Variants in ARHGEF4 observed in about 807,000 individuals in gnomAD.
The protein encoded by ARHGEF4 is APC-stimulated guanine nucleotide exchange factor 1.
In ARHGEF4, 119 loss-of-function variants were observed where a neutral mutation model predicts 162.0. The observed-to-expected ratio is 0.73, with a 90% CI of 0.63 to 0.86. The LOEUF (loss-of-function observed/expected upper bound fraction) is 0.86, where lower values mean the gene tolerates loss of function less well. ARHGEF4 is among the 40% of genes least tolerant of loss of function. The pLI, the probability that ARHGEF4 is intolerant of heterozygous loss-of-function variation, is 0.00. For missense variants in ARHGEF4, 2,488 were observed against 2,456.0 expected (o/e 1.01, Z -0.28); for synonymous variants, 1,014 against 979.9 (o/e 1.03, Z -0.65).
At position 130,874,586 on chromosome 2, in the gene ARHGEF4, G is replaced by A. The variant is rs373033505; in HGVS notation, c.39+37594G>A. Among the ~76,000 whole-genome samples the A allele has an allele frequency of 9.2e-5, 14 of 152,334 alleles. 1 individual carries two copies. In the East Asian group the frequency reaches 2.1e-3, roughly 23 times the overall value. ...ATAATTAAGTTAAACTTTTTAAGGAGATAATTATAGACTCACATGCAGTTC... is the reference window on the plus strand; with the variant it reads ...ATAATTAAGTTAAACTTTTTAAGGAAATAATTATAGACTCACATGCAGTTC... On this transcript the variant is annotated intron_variant, in intron 1 of 13. Coordinates refer to ENST00000409359, the MANE Select transcript of ARHGEF4 (RefSeq NM_001367493.1).
intron 1 of ARHGEF4, among the ~76,000 whole-genome samples, chr2:130,911,039 A>AG (rs1451316103): frequency 7.2e-5 from 11 of 152,302 alleles, no homozygotes; most frequent in Non-Finnish European, 1.6e-4. Context: ...GTTATTGAGG[A>AG]GTTTGCAGAG....
chr2:130,914,438 C>T lies in ARHGEF4; in HGVS notation c.492C>T (p.Cys164=), dbSNP rs1003914791. ...AGGAGGCAGGACACCTCTGGGACTGCGCGACCAGCCTGGAGCGAGAGTCTT... is the reference window on the plus strand; with the variant it reads ...AGGAGGCAGGACACCTCTGGGACTGTGCGACCAGCCTGGAGCGAGAGTCTT... ...GEQEAGHLWD[C]ATSLERESLL... The change falls in exon 2 of 14, where the codon TGC becomes TGT. Residue 164 remains cysteine (C), a synonymous_variant. Transcript: ENST00000409359. 24 of 1,435,218 alleles carry T rather than the reference C, an allele frequency of 1.7e-5. 1 individual carries two copies. The highest frequency in any genetic ancestry group is 9.0e-5 in the South Asian group (6 of 66,524). 88.9% of individuals were successfully genotyped at this position (1,435,218 alleles called of 1,614,324 possible).
At chr2:130,891,522 A>G (rs1679862600) in intron 1 of ARHGEF4, among the ~76,000 whole-genome samples, 1 of 152,210 alleles carries the variant, frequency 6.6e-6, no homozygotes, top group Non-Finnish European at 1.5e-5. Flanking sequence ...TAACAACTAA[A>G]TACCACAAAC....
At chr2:130,944,934 G>C (rs1683513910) in intron 3 of ARHGEF4, among the ~76,000 whole-genome samples, 1 of 152,052 alleles carries the variant, frequency 6.6e-6, no homozygotes, top group Non-Finnish European at 1.5e-5. Flanking sequence ...TTAAGTTCAG[G>C]CTGCAAGCTC....
At chr2:130,988,555 T>G (rs4390808) in intron 4 of ARHGEF4, among the ~76,000 whole-genome samples, 3,672 of 152,258 alleles carry the variant, frequency 0.024, 156 homozygotes, top group East Asian at 0.21. Context: ...AACATTTTGG[T>G]GTGTATTGGC....
At chr2:131,041,051 T>C (rs1690776857) in intron 8 of ARHGEF4, among the ~76,000 whole-genome samples, 179 bp from the exon 9 acceptor site, 1 of 151,926 alleles carries the variant, frequency 6.6e-6, no homozygotes, top group Admixed American at 6.6e-5. Context: ...TTCCCACCCC[T>C]GTGTGTGACT....
At chr2:130,910,175 G>A (rs538660674) in intron 1 of ARHGEF4, among the ~76,000 whole-genome samples, 217 of 152,134 alleles carry the variant, frequency 1.4e-3, no homozygotes, top group African/African-American at 5.0e-3. Context: ...TGCACATTCT[G>A]CACATGTACC....
chr2:130,847,724 A>G (rs55852510), intron 1 of ARHGEF4, among the ~76,000 whole-genome samples: 9,442 of 152,228 alleles, frequency 0.062, 504 homozygotes, highest in African/African-American at 0.14. Flanking sequence ...TGTGAGTTCT[A>G]GAGTTTAGAA....
In ARHGEF4 at chr2:130,970,997, C is replaced by T. The variant is rs528503088; in HGVS notation, c.3985+24362C>T. ...CAGAAATCTTTATGTAACCTGAGGTCACAGAGAGTTTCTTTTATGTTTGTT... is the reference window on the plus strand; with the variant it reads ...CAGAAATCTTTATGTAACCTGAGGTTACAGAGAGTTTCTTTTATGTTTGTT... On this transcript the variant is annotated intron_variant, in intron 4 of 13. Coordinates refer to ENST00000409359, the MANE Select transcript of ARHGEF4 (RefSeq NM_001367493.1). Among the ~76,000 whole-genome samples, 24 of 152,270 alleles carry T rather than the reference C, an allele frequency of 1.6e-4. No homozygotes were observed. In the South Asian group the frequency reaches 5.0e-3, roughly 32 times the overall value.
chr2:130,842,703 C>T (rs1680688480), intron 1 of ARHGEF4, among the ~76,000 whole-genome samples: 1 of 152,180 alleles, frequency 6.6e-6, no homozygotes. Flanking sequence ...TGTATTTCCA[C>T]GGCTTTTGGC....
chr2:130,997,391 A>T (rs1486802708), intron 4 of ARHGEF4, among the ~76,000 whole-genome samples: 6 of 152,074 alleles, frequency 3.9e-5, no homozygotes, highest in Non-Finnish European at 7.4e-5. Context: ...TTGGTAGATG[A>T]TTAGGTCATT....
At chr2:130,854,246 A>T (rs1355506167) in intron 1 of ARHGEF4, among the ~76,000 whole-genome samples, 1 of 152,228 alleles carries the variant, frequency 6.6e-6, no homozygotes, top group Admixed American at 6.5e-5. Flanking sequence ...GTGCTTGGGG[A>T]TCAGCAGTGG....
chr2:130,913,146 T>C (rs1681295277), intron 1 of ARHGEF4, among the ~76,000 whole-genome samples: 1 of 152,104 alleles, frequency 6.6e-6, no homozygotes. Context: ...AATTTGTTTA[T>C]CTGAAACTCC....
chr2:131,037,299 C>T (rs1257676179), intron 5 of ARHGEF4, among the ~76,000 whole-genome samples: 1 of 152,230 alleles, frequency 6.6e-6, no homozygotes, highest in Admixed American at 6.5e-5. Context: ...TGGAGGAAAG[C>T]ACCATCCCAA....
intron 5 of ARHGEF4, among the ~76,000 whole-genome samples, chr2:131,034,597 C>G (rs976368577): frequency 2.0e-5 from 3 of 152,244 alleles, no homozygotes; most frequent in Non-Finnish European, 4.4e-5. Flanking sequence ...GTTTACTCAT[C>G]TGTGAAGTGG....
At chr2:131,008,657 A>G (rs1003762542) in intron 4 of ARHGEF4, among the ~76,000 whole-genome samples, 1 of 152,204 alleles carries the variant, frequency 6.6e-6, no homozygotes, top group Non-Finnish European at 1.5e-5. Flanking sequence ...AAAAAATCCT[A>G]TCTTTATTAT....
chr2:131,011,818 A>G (rs1416093375), intron 4 of ARHGEF4: 1 of 758,406 alleles, frequency 1.3e-6, no homozygotes. Flanking sequence ...CGCTCAGGGT[A>G]TTGTGCAGAG....
At chr2:130,984,033 C>T (rs1027762505) in intron 4 of ARHGEF4, among the ~76,000 whole-genome samples, 5 of 152,116 alleles carry the variant, frequency 3.3e-5, no homozygotes, top group African/African-American at 1.2e-4. Flanking sequence ...TATAGATATG[C>T]GTACACACAC....
At chr2:130,851,768 A>C (rs1344923551) in intron 1 of ARHGEF4, among the ~76,000 whole-genome samples, 22 of 152,202 alleles carry the variant, frequency 1.4e-4, no homozygotes, top group Admixed American at 1.4e-3. Flanking sequence ...CTCCATGGAC[A>C]CAGCCAGCAG....
Sources: gnomAD v4.1 joint callset for allele counts (sites outside exome capture counted in the v4.1 genomes callset) on GRCh38, gnomAD v4.1.1 for gene constraint, MANE v1.5 for transcripts, NCBI Gene and HGNC (gene_info 2026-07-23, HGNC 2026-07-21) for gene names.